The following RBM11 variants were observed in gnomAD, a reference collection of about 807,000 sequenced individuals.
RBM11 encodes the protein splicing regulator RBM11.
In RBM11, 18 loss-of-function variants were observed where a neutral mutation model predicts 21.4. The ratio of observed to expected loss-of-function variants is 0.84; its 90% CI spans 0.58 to 1.25. The LOEUF (loss-of-function observed/expected upper bound fraction) is 1.25, where lower values mean the gene tolerates loss of function less well. Ranked by LOEUF, RBM11 falls within the 50% of genes most tolerant of loss-of-function variation. The pLI, the probability that RBM11 is intolerant of heterozygous loss-of-function variation, is 0.00. For missense variants in RBM11, 294 were observed against 331.9 expected (o/e 0.89, Z 0.89); for synonymous variants, 120 against 116.3 (o/e 1.03, Z -0.20).
chr21:14,227,499 T>A lies in RBM11; in HGVS notation c.*206T>A. 1.8e-6 allele frequency: 1 copy of A among 554,262 alleles called. No homozygotes were observed. The highest frequency in any genetic ancestry group is 3.0e-6 in the Non-Finnish European group (1 of 328,170). The allele number at this position is 554,262 out of a possible 1,614,324, so 34.3% of individuals were successfully genotyped here. On this transcript the variant is annotated 3_prime_UTR_variant, in exon 5 of 5. Transcript: ENST00000400577. Reference sequence around the variant, plus strand: ...AGTATAATGTACCACTTTTTGTATTTGTCATGATATTTTTGACCCATTGGC... The same window carrying A: ...AGTATAATGTACCACTTTTTGTATTAGTCATGATATTTTTGACCCATTGGC...
chr21:14,221,221 C>T (rs940878816), intron 3 of RBM11, 52 bp downstream of exon 3: 25 of 1,486,380 alleles, frequency 1.7e-5, no homozygotes, highest in Admixed American at 1.0e-4. Flanking sequence ...ATTTTTATGC[C>T]AAGAGGAGTT....
chr21:14,220,815 G>A (rs1978603409), intron 2 of RBM11, among the ~76,000 whole-genome samples: 1 of 152,022 alleles, frequency 6.6e-6, no homozygotes, highest in Non-Finnish European at 1.5e-5. Context: ...CAGGTGTCTG[G>A]AACAAACCAT....
At position 14,224,496 on chromosome 21, in the gene RBM11, A is replaced by G. The variant is rs780972753; in HGVS notation, c.391A>G (p.Asn131Asp). 7 of 1,559,966 alleles carry G rather than the reference A, an allele frequency of 4.5e-6. No individual in the cohort carries two copies. The African/African-American group carries it at 9.5e-5, about 21-fold the overall frequency. The stretch of plus-strand genomic sequence containing the variant: ...TCCCATGCAGTATTTTCCAATTAAT[A>G]ATACTTCTTTACCTCAAGAATATTT... ...SFPMQYFPIN[N>D]TSLPQEYFLF... Residue 131 changes from asparagine to aspartate, a missense_variant, in exon 4 of 5, where the codon AAT becomes GAT. By Grantham distance (23) the Asn-to-Asp change is conservative. Around this residue, in one of 2 missense-constraint regions of RBM11, gnomAD observed 181 missense variants for 164.6 expected, o/e 1.10. Transcript: ENST00000400577.
Position 14,227,508 on chromosome 21 carries a change from A to T in RBM11, c.*215A>T. On this transcript the variant is annotated 3_prime_UTR_variant, in exon 5 of 5. Coordinates refer to ENST00000400577, the MANE Select transcript of RBM11 (RefSeq NM_144770.5). Reference sequence around the variant, plus strand: ...TACCACTTTTTGTATTTGTCATGATATTTTTGACCCATTGGCAACAAATAG... The same window carrying T: ...TACCACTTTTTGTATTTGTCATGATTTTTTTGACCCATTGGCAACAAATAG... 1.9e-6 allele frequency: 1 copy of T among 537,106 alleles called. No homozygotes were observed. The highest frequency in any genetic ancestry group is 2.9e-5 in the South Asian group (1 of 34,842). The allele number at this position is 537,106 out of a possible 1,614,324, so 33.3% of individuals were successfully genotyped here.
At chr21:14,219,204 T>C (rs1310161205) in intron 1 of RBM11, among the ~76,000 whole-genome samples, 1 of 152,188 alleles carries the variant, frequency 6.6e-6, no homozygotes, top group African/African-American at 2.4e-5. Context: ...TTTCAGTTAT[T>C]TTTTGAATTC....
In RBM11 at chr21:14,224,493, A is replaced by G; in HGVS notation, c.388A>G (p.Asn130Asp). The change falls in exon 4 of 5, where the codon AAT becomes GAT. Residue 130 changes from asparagine to aspartate, a missense_variant. Asn to Asp is a conservative substitution (Grantham distance 23, BLOSUM62 1). Around this residue, in one of 2 missense-constraint regions of RBM11, gnomAD observed 181 missense variants for 164.6 expected, o/e 1.10. Coordinates refer to ENST00000400577, the MANE Select transcript of RBM11 (RefSeq NM_144770.5). ...SSFPMQYFPI[N>D]NTSLPQEYFL... ...CTTTCCCATGCAGTATTTTCCAATT[A>G]ATAATACTTCTTTACCTCAAGAATA... is the stretch of plus-strand genomic sequence containing the variant. 5.8e-6 allele frequency: 9 copies of G among 1,561,142 alleles called. No individual in the cohort carries two copies. The highest frequency in any genetic ancestry group is 7.8e-6 in the Non-Finnish European group (9 of 1,151,210).
At chr21:14,225,468 A>T (rs537226036) in intron 4 of RBM11, among the ~76,000 whole-genome samples, 41 of 152,300 alleles carry the variant, frequency 2.7e-4, no homozygotes, top group Non-Finnish European at 4.0e-4. Context: ...ATTGAAGTCC[A>T]GGGTTGTTAA....
chr21:14,223,994 C>T (rs937369467), intron 3 of RBM11, among the ~76,000 whole-genome samples: 4 of 152,036 alleles, frequency 2.6e-5, no homozygotes, highest in African/African-American at 9.7e-5. Context: ...GAACCATGAG[C>T]CGAAATACAT....
At chr21:14,223,605 AC>A (rs1978852693) in intron 3 of RBM11, among the ~76,000 whole-genome samples, 1 of 152,100 alleles carries the variant, frequency 6.6e-6, no homozygotes, top group Non-Finnish European at 1.5e-5. Flanking sequence ...CAAGATCTCC[AC>A]CTTTATCTTC....
At chr21:14,225,333 A>G (rs928315545) in intron 4 of RBM11, among the ~76,000 whole-genome samples, 16 of 152,316 alleles carry the variant, frequency 1.1e-4, no homozygotes, top group Middle Eastern at 6.8e-3. Context: ...GAAGATTCTC[A>G]ATTGGTCGAG....
At chr21:14,226,858 G>T (rs766102143) in intron 4 of RBM11, 22 bp from the exon 5 acceptor site, 17 of 1,581,894 alleles carry the variant, frequency 1.1e-5, no homozygotes, top group Non-Finnish European at 1.4e-5. Context: ...TGTTTTGGTA[G>T]ATGAATGTCT....
intron 4 of RBM11, among the ~76,000 whole-genome samples, chr21:14,225,012 C>T (rs530212110): frequency 2.6e-5 from 4 of 151,798 alleles, no homozygotes; most frequent in Middle Eastern, 3.2e-3. Context: ...CCCAGCTACT[C>T]GGGAGGCTGA....
At chr21:14,221,016 T>G in intron 2 of RBM11, 81 bp from the exon 3 acceptor site, 1 of 1,384,778 alleles carries the variant, frequency 7.2e-7, no homozygotes, top group East Asian at 2.5e-5. Context: ...CCTAAAATAT[T>G]TTGAGTCATT....
chr21:14,216,335 CA>C (rs1350366666), intron 1 of RBM11, 53 bp downstream of exon 1: 23 of 1,520,210 alleles, frequency 1.5e-5, no homozygotes, highest in African/African-American at 2.7e-5. Flanking sequence ...GGGCCGGAAA[CA>C]TAGCGCGCAC....
At chr21:14,223,857 G>A (rs777503694) in intron 3 of RBM11, among the ~76,000 whole-genome samples, 25 of 152,084 alleles carry the variant, frequency 1.6e-4, no homozygotes, top group Non-Finnish European at 3.1e-4. Context: ...AGCCAGTTTG[G>A]CCATCTCTCG....
chr21:14,221,388 T>G (rs1235121053), intron 3 of RBM11: 2 of 439,282 alleles, frequency 4.6e-6, no homozygotes, highest in East Asian at 9.2e-5. Context: ...AGACTTATAT[T>G]TGTAGTTTTT....
At chr21:14,221,436 T>C in intron 3 of RBM11, 1 of 266,424 alleles carries the variant, frequency 3.8e-6, no homozygotes, top group Middle Eastern at 1.2e-3. Context: ...TGTTAAATCA[T>C]TTAAGCATAC....
Position 14,227,336 on chromosome 21 carries a change from C to G in RBM11, c.*43C>G. 1 of 1,517,940 alleles carries G rather than the reference C, an allele frequency of 6.6e-7. No individual in the cohort carries two copies. The highest frequency in any genetic ancestry group is 1.3e-5 in the South Asian group (1 of 75,618). The allele number at this position is 1,517,940 out of a possible 1,614,324, so 94.0% of individuals were successfully genotyped here. Reference sequence around the variant, plus strand: ...ACTTACCTACACTGATCTTAGTTCTCTTATGAAAAAAATAAGATGTTATCC... The same window carrying G: ...ACTTACCTACACTGATCTTAGTTCTGTTATGAAAAAAATAAGATGTTATCC... On this transcript the variant is annotated 3_prime_UTR_variant, in exon 5 of 5. Coordinates refer to ENST00000400577, the MANE Select transcript of RBM11 (RefSeq NM_144770.5).
rs915252820 is a variant in RBM11, at chr21:14,224,332, A to G, written c.333-106A>G. 43 of 1,445,130 alleles carry G rather than the reference A, an allele frequency of 3.0e-5. No homozygotes were observed. The African/African-American group carries it at 4.6e-4, about 15-fold the overall frequency. 89.5% of individuals were successfully genotyped at this position (1,445,130 alleles called of 1,614,324 possible). On this transcript the variant is annotated intron_variant, in intron 3 of 4. Transcript: ENST00000400577. ...ATTTACATGTGATTCCTCTATGCAG[A>G]CAACTTTGCATCCCCTGAGGAAAGA...
Sources: gnomAD v4.1 joint callset for allele counts (sites outside exome capture counted in the v4.1 genomes callset) on GRCh38, gnomAD v4.1.1 for gene constraint, gnomAD v4.1.1 regional missense constraint, MANE v1.5 for transcripts, NCBI Gene and HGNC (gene_info 2026-07-23, HGNC 2026-07-21) for gene names.